Variants in MAGI2 observed in about 807,000 individuals in gnomAD.
MAGI2 encodes membrane associated guanylate kinase, WW and PDZ domain containing 2, also known as membrane-associated guanylate kinase, WW and PDZ domain-containing protein 2.
In MAGI2, 35 loss-of-function variants were observed where a neutral mutation model predicts 133.3. The ratio of observed to expected loss-of-function variants is 0.26; its 90% CI spans 0.20 to 0.35. The LOEUF is 0.35. MAGI2 is among the 10% of genes least tolerant of loss of function. MAGI2 has a pLI of 1.00. For missense variants in MAGI2, 1,636 were observed against 1,863.4 expected, an observed-to-expected ratio of 0.88 and a Z score of 2.25; for synonymous variants, 729 against 710.6, an observed-to-expected ratio of 1.03 and a Z score of -0.41.
chr7:78,890,367 C>G (rs938307732), intron 2 of MAGI2, among the ~76,000 whole-genome samples: 1 of 152,114 alleles, frequency 6.6e-6, no homozygotes, highest in East Asian at 1.9e-4. Flanking sequence ...CAGCTCTGCA[C>G]CAAGTGGACC....
At chr7:78,667,948 T>C (rs1460279016) in intron 2 of MAGI2, among the ~76,000 whole-genome samples, 1 of 152,146 alleles carries the variant, frequency 6.6e-6, no homozygotes, top group African/African-American at 2.4e-5. Context: ...TAGTTCTAGA[T>C]CTCTGAGGAA....
intron 2 of MAGI2, among the ~76,000 whole-genome samples, chr7:78,690,515 C>A (rs1269174912): frequency 6.6e-6 from 1 of 152,128 alleles, no homozygotes; most frequent in Non-Finnish European, 1.5e-5. Context: ...TACTTTTTGT[C>A]CTTCTTTAAA....
chr7:78,636,271 C>G (rs1024491673), intron 2 of MAGI2, among the ~76,000 whole-genome samples: 1 of 151,842 alleles, frequency 6.6e-6, no homozygotes, highest in African/African-American at 2.4e-5. Flanking sequence ...ACTCTCTTCC[C>G]CTAAGATAAC....
intron 2 of MAGI2, among the ~76,000 whole-genome samples, chr7:78,760,184 A>T (rs1202657047): frequency 6.6e-6 from 1 of 152,158 alleles, no homozygotes; most frequent in Non-Finnish European, 1.5e-5. Context: ...TTTCTCTGAG[A>T]GCACCTGCCT....
intron 1 of MAGI2, among the ~76,000 whole-genome samples, chr7:79,189,034 T>C (rs1827416809): frequency 6.6e-6 from 1 of 151,914 alleles, no homozygotes; most frequent in South Asian, 2.1e-4. Flanking sequence ...TCTTTTGGAC[T>C]TTTAAATTTT....
At chr7:78,440,379 T>C (rs2151455901) in intron 6 of MAGI2, among the ~76,000 whole-genome samples, 1 of 152,270 alleles carries the variant, frequency 6.6e-6, no homozygotes, top group South Asian at 2.1e-4. Flanking sequence ...CACCCACATG[T>C]TACACTGTAG....
At chr7:79,001,899 T>C (rs1806894528) in intron 2 of MAGI2, among the ~76,000 whole-genome samples, 1 of 152,194 alleles carries the variant, frequency 6.6e-6, no homozygotes, top group Non-Finnish European at 1.5e-5. Flanking sequence ...GCCTTTTGTG[T>C]ACTATGAGGG....
intron 2 of MAGI2, among the ~76,000 whole-genome samples, chr7:78,911,709 T>C (rs144781625): frequency 1.4e-3 from 216 of 152,190 alleles, no homozygotes; most frequent in African/African-American, 5.0e-3. Flanking sequence ...TTTGCTTAAC[T>C]TTTATTTTAG....
chr7:79,038,653 T>C lies in MAGI2; in HGVS notation c.302-31447A>G, dbSNP rs147167036. Reference sequence around the variant, plus strand: ...CAAGAATCATATATAGAGATATTTTTCATTTCTTTTTACAGCTATATAGTA... The same window carrying C: ...CAAGAATCATATATAGAGATATTTTCCATTTCTTTTTACAGCTATATAGTA... On this transcript the variant is annotated intron_variant, in intron 1 of 21. Coordinates refer to ENST00000354212, the MANE Select transcript of MAGI2 (RefSeq NM_012301.4). 1.1e-3 allele frequency among the ~76,000 whole-genome samples: 160 copies of C among 152,348 alleles called. 1 individual carries two copies. In the East Asian group the frequency reaches 0.026, roughly 24 times the overall value.
At chr7:78,042,166 G>A (rs773481651) in intron 21 of MAGI2, among the ~76,000 whole-genome samples, 16 of 152,146 alleles carry the variant, frequency 1.1e-4, no homozygotes, top group Non-Finnish European at 1.9e-4. Context: ...ATAAAGGAAG[G>A]TCCTTGAAGA....
At chr7:78,020,897 A>G (rs1179699653) in intron 21 of MAGI2, among the ~76,000 whole-genome samples, 1 of 152,168 alleles carries the variant, frequency 6.6e-6, no homozygotes, top group Non-Finnish European at 1.5e-5. Context: ...AGTACTTCTA[A>G]CATTATGGAG....
chr7:79,087,315 T>G (rs1816602324), intron 1 of MAGI2, among the ~76,000 whole-genome samples: 1 of 151,894 alleles, frequency 6.6e-6, no homozygotes. Context: ...TCTGTCTGCA[T>G]AGATAAATAT....
intron 1 of MAGI2, among the ~76,000 whole-genome samples, chr7:79,248,760 C>G (rs949641310): frequency 2.0e-4 from 30 of 151,968 alleles, no homozygotes; most frequent in African/African-American, 7.0e-4. Flanking sequence ...CAATAAGCTC[C>G]TGAATGGATC....
chr7:78,170,187 T>C (rs1259564975), intron 14 of MAGI2: 2 of 152,210 alleles, frequency 1.3e-5, no homozygotes, highest in East Asian at 1.9e-4. Context: ...TGATTCTAAC[T>C]GATGAAAGTA....
At chr7:78,130,385 G>C (rs1821443473) in intron 18 of MAGI2, among the ~76,000 whole-genome samples, 1 of 152,088 alleles carries the variant, frequency 6.6e-6, no homozygotes. Flanking sequence ...CATGGGAACG[G>C]GCTGAATCTG....
chr7:78,586,447 A>C (rs541343848), intron 3 of MAGI2, among the ~76,000 whole-genome samples: 200 of 152,166 alleles, frequency 1.3e-3, no homozygotes, highest in Non-Finnish European at 2.5e-3. Context: ...ATTTTATATA[A>C]GAAGAAGAAA....
chr7:78,644,684 A>T (rs1810662268), intron 2 of MAGI2, among the ~76,000 whole-genome samples: 1 of 152,174 alleles, frequency 6.6e-6, no homozygotes, highest in Non-Finnish European at 1.5e-5. Context: ...CGAAATACTT[A>T]TATTAGAAAC....
At chr7:79,034,978 A>C (rs762778019) in intron 1 of MAGI2, among the ~76,000 whole-genome samples, 5 of 152,148 alleles carry the variant, frequency 3.3e-5, no homozygotes, top group Non-Finnish European at 7.3e-5. Flanking sequence ...TGATATCCTA[A>C]ATGTAAACCT....
intron 13 of MAGI2, among the ~76,000 whole-genome samples, chr7:78,180,243 C>T (rs911855115): frequency 6.6e-6 from 1 of 152,172 alleles, no homozygotes; most frequent in Admixed American, 6.5e-5. Context: ...TTTGCATCAC[C>T]ACTGAATATG....
Sources: allele counts gnomAD v4.1 joint callset (sites outside exome capture counted in the v4.1 genomes callset), GRCh38; gene constraint gnomAD v4.1.1; transcripts MANE v1.5; gene names NCBI Gene and HGNC (gene_info 2026-07-23, HGNC 2026-07-21).